The following IFT80 variants were observed in gnomAD, a reference collection of about 807,000 sequenced individuals.
IFT80 encodes intraflagellar transport 80, also known as intraflagellar transport protein 80 homolog.
IFT80 carries 79 observed loss-of-function variants against 107.9 expected under a neutral mutation model. That is an observed-to-expected ratio of 0.73 (90% CI 0.61 to 0.88). IFT80 has a LOEUF of 0.88. IFT80 is among the 40% of genes least tolerant of loss of function. The probability of loss-of-function intolerance (pLI) is 0.00; values close to 1 mark genes in which losing one functional copy is unlikely to be tolerated. For synonymous variants in IFT80, 299 were observed against 300.9 expected (o/e 0.99, Z 0.07); for missense variants, 797 against 914.2 (o/e 0.87, Z 1.65).
At chr3:160,374,292 C>T (rs1711807790) in intron 5 of IFT80, among the ~76,000 whole-genome samples, 1 of 151,674 alleles carries the variant, frequency 6.6e-6, no homozygotes, top group African/African-American at 2.4e-5. Context: ...ACATGTACTC[C>T]CAGCAACTTG....
At chr3:160,390,723 T>G (rs550902911) in intron 1 of IFT80, among the ~76,000 whole-genome samples, 21 of 152,176 alleles carry the variant, frequency 1.4e-4, no homozygotes, top group Non-Finnish European at 2.2e-4. Flanking sequence ...TAGCTGCCCT[T>G]GAAACTAGGT....
At chr3:160,280,907 C>A (rs1714640760) in intron 14 of IFT80, 93 bp from the exon 15 acceptor site, 1 of 1,108,714 alleles carries the variant, frequency 9.0e-7, no homozygotes, top group Non-Finnish European at 1.3e-6. Flanking sequence ...AAATCCCATA[C>A]AATTTCTGGT....
In IFT80 at chr3:160,389,334, T is replaced by A. The variant is rs182947050; in HGVS notation, c.-46-4688A>T. On this transcript the variant is annotated intron_variant, in intron 1 of 19. Transcript: ENST00000326448. ...ATCCTTAAAAAATGATTTTCAATTT[T>A]TTATTATTATTATACTTTAAGTTTT... Among the ~76,000 whole-genome samples, 20 of 152,232 alleles carry A rather than the reference T, an allele frequency of 1.3e-4. No homozygotes were observed. In the East Asian group the frequency reaches 2.5e-3, roughly 19 times the overall value.
chr3:160,319,907 G>A lies in IFT80; in HGVS notation c.810C>T (p.Gly270=). ...TAGACCATGCAATATTAAATATGCTGCCAGTGTTGGGTTTTTCTAATGCAT... is the reference window on the plus strand; with the variant it reads ...TAGACCATGCAATATTAAATATGCTACCAGTGTTGGGTTTTTCTAATGCAT... ...WSYALEKPNT[G]SIFNIAWSID... Residue 270 remains glycine (G), a synonymous_variant, in exon 9 of 20, where the codon GGC becomes GGT. Transcript: ENST00000326448. The A allele has an allele frequency of 6.2e-7, 1 of 1,611,958 alleles. No individual in the cohort carries two copies. Among genetic ancestry groups the A allele is most frequent in the Non-Finnish European group, 8.5e-7 (1 of 1,179,092 alleles).
intron 1 of IFT80, among the ~76,000 whole-genome samples, chr3:160,394,639 C>T (rs1256322314): frequency 6.6e-6 from 1 of 152,040 alleles, no homozygotes; most frequent in East Asian, 1.9e-4. Flanking sequence ...ATCCCAGCTA[C>T]TCGGGAGGCT....
At chr3:160,367,192 A>G (rs1721929292) in intron 5 of IFT80, among the ~76,000 whole-genome samples, 1 of 152,060 alleles carries the variant, frequency 6.6e-6, no homozygotes, top group Non-Finnish European at 1.5e-5. Context: ...ATGGAAACTT[A>G]GGTTGCCTCC....
At chr3:160,282,171 CTTGGGAGGCTG>C (rs1249648159) in intron 14 of IFT80, among the ~76,000 whole-genome samples, 1 of 152,120 alleles carries the variant, frequency 6.6e-6, no homozygotes, top group Non-Finnish European at 1.5e-5. Flanking sequence ...GTCCTAGCTA[CTTGGGAGGCTG>C]AGGCAGGAGA....
At chr3:160,275,646 AT>A (rs919539966) in intron 18 of IFT80, among the ~76,000 whole-genome samples, 1 of 151,794 alleles carries the variant, frequency 6.6e-6, no homozygotes, top group Non-Finnish European at 1.5e-5. Context: ...ATTACCTTAA[AT>A]TTTTTTTTGT....
At chr3:160,374,332 C>T (rs969870624) in intron 5 of IFT80, among the ~76,000 whole-genome samples, 7 of 151,150 alleles carry the variant, frequency 4.6e-5, no homozygotes, top group African/African-American at 1.7e-4. Context: ...TCGATTGAGT[C>T]CAGGAGGAGG....
At chr3:160,339,309 T>C (rs1223724452) in intron 8 of IFT80, among the ~76,000 whole-genome samples, 1 of 152,176 alleles carries the variant, frequency 6.6e-6, no homozygotes, top group Non-Finnish European at 1.5e-5. Flanking sequence ...AACATAATAT[T>C]GAGCTAAAAT....
At chr3:160,375,375 C>G (rs1174509353) in intron 5 of IFT80, among the ~76,000 whole-genome samples, 1 of 152,076 alleles carries the variant, frequency 6.6e-6, no homozygotes, top group Non-Finnish European at 1.5e-5. Flanking sequence ...GTATAGAAAT[C>G]AAACATACAA....
intron 8 of IFT80, among the ~76,000 whole-genome samples, chr3:160,342,143 TATC>T (rs928887772): frequency 9.2e-5 from 14 of 152,102 alleles, no homozygotes; most frequent in Non-Finnish European, 1.3e-4. Flanking sequence ...ATGGAAAAGG[TATC>T]ATAGAATCGT....
intron 19 of IFT80, among the ~76,000 whole-genome samples, chr3:160,258,997 A>T (rs1306622153): frequency 1.3e-5 from 2 of 152,124 alleles, no homozygotes; most frequent in Non-Finnish European, 2.9e-5. Flanking sequence ...AGTCCCAGCT[A>T]TTAGGGAGGC....
chr3:160,304,308 C>A (rs2108272138), intron 10 of IFT80, among the ~76,000 whole-genome samples: 1 of 152,166 alleles, frequency 6.6e-6, no homozygotes, highest in South Asian at 2.1e-4. Context: ...TGAGTTTGGG[C>A]AAGTCATCTA....
intron 12 of IFT80, chr3:160,298,997 G>T: frequency 2.3e-6 from 1 of 427,704 alleles, no homozygotes; most frequent in Non-Finnish European, 3.1e-6. Flanking sequence ...ATGTTACTAT[G>T]CAGGGAATGA....
intron 9 of IFT80, among the ~76,000 whole-genome samples, chr3:160,314,878 C>G (rs1347871159): frequency 6.6e-6 from 1 of 152,062 alleles, no homozygotes; most frequent in Admixed American, 6.6e-5. Flanking sequence ...AAGAAAATGA[C>G]TGGAGGCGAG....
At chr3:160,313,224 A>G (rs1194544469) in intron 9 of IFT80, among the ~76,000 whole-genome samples, 1 of 146,394 alleles carries the variant, frequency 6.8e-6, no homozygotes, top group African/African-American at 2.5e-5. Flanking sequence ...CCAAAATGCC[A>G]TCTTCTAGAA....
chr3:160,271,391 T>TTGAA (rs1333492335), intron 18 of IFT80, among the ~76,000 whole-genome samples: 4 of 152,188 alleles, frequency 2.6e-5, no homozygotes, highest in South Asian at 2.1e-4. Flanking sequence ...TTTGCATAAC[T>TTGAA]TGAATGAAGC....
rs548358266 is a variant in IFT80 at position 160,377,518 on chromosome 3, C to T, written c.282G>A (p.Lys94=). ...CTACACTTTTTTCCACTCTTCCTAA[C>T]TTGGAAATCAGATGAAATTTACCTG... ...SSDGKFHLIS[K]LGRVEKSVEA... The change falls in exon 4 of 20, where the codon AAG becomes AAA. Residue 94 remains lysine, a synonymous_variant. Transcript: ENST00000326448. 595 of 1,603,610 alleles carry T rather than the reference C, an allele frequency of 3.7e-4. 5 individuals carry two copies. The South Asian group carries it at 6.2e-3, about 17-fold the overall frequency.
Sources: gnomAD v4.1 joint callset for allele counts (sites outside exome capture counted in the v4.1 genomes callset) on GRCh38, gnomAD v4.1.1 for gene constraint, MANE v1.5 for transcripts, NCBI Gene and HGNC (gene_info 2026-07-23, HGNC 2026-07-21) for gene names.